The following ARID5B variants were observed in gnomAD, a reference collection of about 807,000 sequenced individuals.
ARID5B encodes AT-rich interactive domain-containing protein 5B.
In ARID5B, 13 loss-of-function variants were observed where a neutral mutation model predicts 97.2. The observed-to-expected ratio is 0.13, with a 90% CI of 0.09 to 0.21. The LOEUF (loss-of-function observed/expected upper bound fraction) is 0.21, where lower values mean the gene tolerates loss of function less well. Among genes scored for constraint, ARID5B ranks in the 10% least tolerant of loss-of-function variants. The pLI, the probability that ARID5B is intolerant of heterozygous loss-of-function variation, is 1.00. For missense variants in ARID5B, 1,210 were observed against 1,465.3 expected (o/e 0.83, Z 2.84); for synonymous variants, 556 against 570.3 (o/e 0.97, Z 0.36).
At chr10:61,935,392 G>A (rs2132789277) in intron 2 of ARID5B, among the ~76,000 whole-genome samples, 1 of 152,176 alleles carries the variant, frequency 6.6e-6, no homozygotes. Flanking sequence ...AAAGGAATAA[G>A]CTATCGATAC....
chr10:61,909,680 A>G (rs1843770320), intron 2 of ARID5B, among the ~76,000 whole-genome samples: 1 of 152,164 alleles, frequency 6.6e-6, no homozygotes, highest in Admixed American at 6.5e-5. Context: ...CTTCTTGCAC[A>G]CAGTCTACCT....
intron 4 of ARID5B, among the ~76,000 whole-genome samples, chr10:62,028,567 CA>C (rs1839452286): frequency 6.6e-6 from 1 of 152,318 alleles, no homozygotes; most frequent in South Asian, 2.1e-4. Flanking sequence ...CACCCTCTCT[CA>C]GCCTCAGTTT....
intron 3 of ARID5B, among the ~76,000 whole-genome samples, chr10:61,953,481 T>C (rs1056406945): frequency 2.0e-5 from 3 of 152,130 alleles, no homozygotes; most frequent in African/African-American, 7.2e-5. Flanking sequence ...GCTCATTTAG[T>C]TCCCATTGAT....
chr10:61,912,258 G>T lies in ARID5B; in HGVS notation c.276+9845G>T, dbSNP rs186358331. On this transcript the variant is annotated intron_variant, in intron 2 of 9. Coordinates refer to ENST00000279873, the MANE Select transcript of ARID5B (RefSeq NM_032199.3). ...TAAGGGAGGAATATGTTTTTAAAAT[G>T]TGTATATATAGGGTGTTGGTCAAAA... Among the ~76,000 whole-genome samples the T allele has an allele frequency of 3.6e-3, 550 of 152,288 alleles. 5 individuals are homozygous for T. Among genetic ancestry groups the T allele is most frequent in the Non-Finnish European group, 6.4e-3 (432 of 68,002 alleles).
At chr10:61,997,575 A>G (rs1839018656) in intron 3 of ARID5B, among the ~76,000 whole-genome samples, 1 of 152,180 alleles carries the variant, frequency 6.6e-6, no homozygotes, top group Non-Finnish European at 1.5e-5. Flanking sequence ...TACCCCTATC[A>G]TAGAAAGCTA....
chr10:62,031,949 T>G (rs963930736), intron 4 of ARID5B, among the ~76,000 whole-genome samples: 2 of 152,164 alleles, frequency 1.3e-5, no homozygotes, highest in Non-Finnish European at 2.9e-5. Context: ...ACTGCCAGTT[T>G]ATGACCTCCT....
At chr10:62,029,195 C>T (rs1019162520) in intron 4 of ARID5B, among the ~76,000 whole-genome samples, 10 of 152,018 alleles carry the variant, frequency 6.6e-5, no homozygotes, top group Non-Finnish European at 1.2e-4. Flanking sequence ...TTTTATGTTC[C>T]GCCTCCTGTC....
At chr10:61,947,219 T>C (rs1209253603) in intron 3 of ARID5B, among the ~76,000 whole-genome samples, 7 of 151,306 alleles carry the variant, frequency 4.6e-5, no homozygotes, top group African/African-American at 1.7e-4. Flanking sequence ...ATATTCAGAG[T>C]TTTAGAACAG....
chr10:61,926,575 T>C (rs1844109238), intron 2 of ARID5B, among the ~76,000 whole-genome samples: 1 of 152,040 alleles, frequency 6.6e-6, no homozygotes, highest in South Asian at 2.1e-4. Flanking sequence ...GAAACCCAGG[T>C]ATTTAATTTT....
intron 4 of ARID5B, among the ~76,000 whole-genome samples, chr10:62,005,905 A>C (rs1263314668): frequency 2.0e-5 from 3 of 152,164 alleles, no homozygotes; most frequent in Non-Finnish European, 4.4e-5. Context: ...GTGGATTTCG[A>C]TGACCAAATG....
chr10:62,029,995 T>C (rs1839474705), intron 4 of ARID5B, among the ~76,000 whole-genome samples: 1 of 152,208 alleles, frequency 6.6e-6, no homozygotes, highest in Admixed American at 6.5e-5. Flanking sequence ...AAAGAGATGA[T>C]CGCCCTATGA....
At chr10:61,975,564 T>C (rs534890847) in intron 3 of ARID5B, among the ~76,000 whole-genome samples, 5 of 152,252 alleles carry the variant, frequency 3.3e-5, no homozygotes, top group African/African-American at 1.2e-4. Context: ...TTTTTTTGGC[T>C]ACCAGTAAAC....
chr10:62,025,032 G>A (rs1348806143), intron 4 of ARID5B: 3 of 178,070 alleles, frequency 1.7e-5, no homozygotes, highest in Non-Finnish European at 3.5e-5. Context: ...GTTTTAAAAG[G>A]TGGGGAGGGT....
intron 4 of ARID5B, among the ~76,000 whole-genome samples, chr10:62,048,507 C>T (rs2393745): frequency 0.97 from 148,355 of 152,326 alleles, 72,357 homozygotes; most frequent in East Asian, 1. Context: ...ACTTGCCTTA[C>T]TAAGAACAAA....
intron 4 of ARID5B, among the ~76,000 whole-genome samples, chr10:62,027,285 C>CCTTTTTTTTTT (rs1839433113): frequency 1.5e-5 from 1 of 67,370 alleles, no homozygotes; most frequent in Non-Finnish European, 2.7e-5. Context: ...ACAGTATCTC[C>CCTTTTTTTTTT]TTTTTTTTTT....
At chr10:61,911,167 G>A (rs1311460879) in intron 2 of ARID5B, among the ~76,000 whole-genome samples, 2 of 152,132 alleles carry the variant, frequency 1.3e-5, no homozygotes, top group Non-Finnish European at 2.9e-5. Flanking sequence ...ACACCCTCAA[G>A]CATGTTGAGC....
At chr10:61,949,542 C>T (rs1838293849) in intron 3 of ARID5B, among the ~76,000 whole-genome samples, 1 of 152,112 alleles carries the variant, frequency 6.6e-6, no homozygotes, top group Non-Finnish European at 1.5e-5. Context: ...GAGGCTGAGG[C>T]AGGAGAATCA....
chr10:62,001,464 G>A (rs553182042), intron 4 of ARID5B, among the ~76,000 whole-genome samples: 7 of 152,256 alleles, frequency 4.6e-5, no homozygotes, highest in South Asian at 2.1e-4. Context: ...AGAATCACTA[G>A]TTGGCAGATT....
chr10:62,021,952 C>T (rs900604503), intron 4 of ARID5B, among the ~76,000 whole-genome samples: 3 of 152,214 alleles, frequency 2.0e-5, no homozygotes, highest in African/African-American at 7.2e-5. Flanking sequence ...TATCAATTTT[C>T]TCCTTTTGGG....
Sources: allele counts gnomAD v4.1 joint callset (sites outside exome capture counted in the v4.1 genomes callset), GRCh38; gene constraint gnomAD v4.1.1; transcripts MANE v1.5; gene names NCBI Gene and HGNC (gene_info 2026-07-23, HGNC 2026-07-21).